Variants in LIMS1 observed in about 807,000 individuals in gnomAD.
LIMS1 encodes the protein LIM zinc finger domain containing 1.
A neutral mutation model predicts 44.1 loss-of-function variants in LIMS1; 18 were observed. That is an observed-to-expected ratio of 0.41 (90% CI 0.28 to 0.61). The LOEUF (loss-of-function observed/expected upper bound fraction) is 0.61, where lower values mean the gene tolerates loss of function less well. LIMS1 is among the 20% of genes least tolerant of loss of function. LIMS1 has a pLI of 0.32. For missense variants in LIMS1, 201 were observed against 422.0 expected (o/e 0.48, Z 4.59); for synonymous variants, 93 against 149.1 (o/e 0.62, Z 2.74).
intron 1 of LIMS1, among the ~76,000 whole-genome samples, chr2:108,561,865 C>T (rs1242427817): frequency 6.6e-6 from 1 of 151,776 alleles, no homozygotes; most frequent in Non-Finnish European, 1.5e-5. Flanking sequence ...GCCTCAGCCT[C>T]CTGAGTAGCT....
At chr2:108,634,169 G>T (rs895396773) in intron 1 of LIMS1, among the ~76,000 whole-genome samples, 2 of 152,182 alleles carry the variant, frequency 1.3e-5, no homozygotes, top group African/African-American at 4.8e-5. Flanking sequence ...ACCTGTGTCA[G>T]GTTGGGGTCT....
At position 108,670,794 on chromosome 2, in the gene LIMS1, A is replaced by G; in HGVS notation, c.206A>G (p.Lys69Arg). 6.2e-7 allele frequency: 1 copy of G among 1,611,876 alleles called. No individual in the cohort carries two copies. The highest frequency in any genetic ancestry group is 8.5e-7 in the Non-Finnish European group (1 of 1,179,832). ...CCTCTCTTTCAGTTTGAAGGAAGAA[A>G]GTACTGTGAACATGACTTTCAGATG... Residue 69 changes from lysine (K) to arginine (R), a missense_variant, in exon 3 of 10, where the codon AAG (lysine) becomes AGG (arginine). By Grantham distance (26) the Lys-to-Arg change is conservative (BLOSUM62 2). Coordinates refer to ENST00000544547, the Ensembl canonical transcript of LIMS1.
chr2:108,576,713 C>T (rs1685682672), intron 1 of LIMS1, among the ~76,000 whole-genome samples: 1 of 152,022 alleles, frequency 6.6e-6, no homozygotes, highest in South Asian at 2.1e-4. Context: ...GTTAAAGTGC[C>T]CTTTAGAGTG....
chr2:108,640,498 A>G (rs1304781138), intron 1 of LIMS1, among the ~76,000 whole-genome samples: 2 of 152,174 alleles, frequency 1.3e-5, no homozygotes, highest in Admixed American at 6.5e-5. Context: ...GCAGAACCCC[A>G]TGGACACTGA....
intron 1 of LIMS1, among the ~76,000 whole-genome samples, chr2:108,602,161 C>T (rs1687051759): frequency 1.3e-5 from 2 of 152,114 alleles, no homozygotes; most frequent in South Asian, 2.1e-4. Context: ...TTGTGTACTC[C>T]AACTTTACTG....
At chr2:108,662,366 G>A in intron 2 of LIMS1, 1 of 1,600,660 alleles carries the variant, frequency 6.2e-7, no homozygotes, top group Non-Finnish European at 8.5e-7. Context: ...GCCTTGAGCA[G>A]TGAAGAATAA....
intron 1 of LIMS1, among the ~76,000 whole-genome samples, chr2:108,632,621 G>A (rs1187392796): frequency 1.3e-5 from 2 of 152,110 alleles, no homozygotes; most frequent in East Asian, 1.9e-4. Context: ...AATGGTAAGC[G>A]AGCCAAAGAG....
intron 1 of LIMS1, among the ~76,000 whole-genome samples, chr2:108,646,933 G>C (rs901276314): frequency 2.6e-5 from 4 of 152,128 alleles, no homozygotes; most frequent in Non-Finnish European, 5.9e-5. Flanking sequence ...GCGTTAGCCA[G>C]GATGGTCTCG....
At chr2:108,675,899 A>G (rs1692521681) in exon 6 of LIMS1, 3 of 1,613,858 alleles carry the variant, frequency 1.9e-6, no homozygotes, top group Non-Finnish European at 1.7e-6. Context: ...CTGCCGATGC[A>G]CGGGAGCTGA....
chr2:108,574,517 C>G (rs992101667), intron 1 of LIMS1, among the ~76,000 whole-genome samples: 1 of 152,156 alleles, frequency 6.6e-6, no homozygotes, highest in Non-Finnish European at 1.5e-5. Context: ...CCAAACCTCC[C>G]ACTGCTTCTG....
At chr2:108,589,455 G>C (rs1686270124) in intron 1 of LIMS1, among the ~76,000 whole-genome samples, 1 of 152,064 alleles carries the variant, frequency 6.6e-6, no homozygotes, top group Non-Finnish European at 1.5e-5. Context: ...TTTTGTACCT[G>C]TTGACAAACT....
chr2:108,649,569 C>T (rs886771125), intron 1 of LIMS1, among the ~76,000 whole-genome samples: 5 of 152,158 alleles, frequency 3.3e-5, no homozygotes, highest in African/African-American at 1.2e-4. Flanking sequence ...CTTGGAACCA[C>T]ACCAGATGCC....
chr2:108,669,270 T>C (rs941311411), intron 2 of LIMS1, among the ~76,000 whole-genome samples: 1 of 150,450 alleles, frequency 6.6e-6, no homozygotes, highest in Non-Finnish European at 1.5e-5. Context: ...TAGCTGGACA[T>C]GGTGGTGGGC....
At chr2:108,674,524 C>T (rs1234532149) in intron 5 of LIMS1, among the ~76,000 whole-genome samples, 1 of 151,504 alleles carries the variant, frequency 6.6e-6, no homozygotes, top group Non-Finnish European at 1.5e-5. Flanking sequence ...AGATCGAGAC[C>T]ATCCTGGCTA....
chr2:108,636,625 C>A (rs1024392306), intron 1 of LIMS1, among the ~76,000 whole-genome samples: 1 of 152,156 alleles, frequency 6.6e-6, no homozygotes. Flanking sequence ...GTGATGCCTC[C>A]TACAGGACAC....
intron 2 of LIMS1, among the ~76,000 whole-genome samples, chr2:108,669,643 C>T (rs1287785409): frequency 1.3e-5 from 2 of 151,242 alleles, no homozygotes; most frequent in Admixed American, 6.6e-5. Context: ...GTAAGGAGCT[C>T]GAAGACTCAA....
At chr2:108,596,094 C>T (rs1375711513) in intron 1 of LIMS1, among the ~76,000 whole-genome samples, 3 of 152,202 alleles carry the variant, frequency 2.0e-5, no homozygotes, top group East Asian at 1.9e-4. Flanking sequence ...GGCATTCTGC[C>T]GCAGACATAG....
At chr2:108,674,439 T>G (rs991062548) in intron 5 of LIMS1, among the ~76,000 whole-genome samples, 1 of 151,674 alleles carries the variant, frequency 6.6e-6, no homozygotes, top group South Asian at 2.1e-4. Context: ...GAAAACAGTT[T>G]GGGCCAGGTG....
rs141467264 is a variant in LIMS1, at chr2:108,572,630, C to T, written c.32+38036C>T. ...CGAACTCCTGACCTTGTGTTCCACC[C>T]GCCTCGGCCTCCCAAAGTGCTGGGA... On this transcript the variant is annotated intron_variant, in intron 1 of 9. Transcript: ENST00000544547. Among the ~76,000 whole-genome samples, 21 of 152,126 alleles carry T rather than the reference C, an allele frequency of 1.4e-4. No homozygotes were observed. The East Asian group carries it at 4.1e-3, about 29-fold the overall frequency.
Sources: allele counts gnomAD v4.1 joint callset (sites outside exome capture counted in the v4.1 genomes callset), GRCh38; gene constraint gnomAD v4.1.1; transcripts MANE v1.5; gene names NCBI Gene and HGNC (gene_info 2026-07-23, HGNC 2026-07-21).